XRCC3: variants seen among roughly 807,000 people sequenced by gnomAD.
XRCC3 encodes DNA repair protein XRCC3.
In XRCC3, 34 loss-of-function variants were observed where a neutral mutation model predicts 29.2. That is an observed-to-expected ratio of 1.16 (90% CI 0.88 to 1.55). The LOEUF (loss-of-function observed/expected upper bound fraction) is 1.55. Among genes scored for constraint, XRCC3 ranks in the 40% most tolerant of loss-of-function variants. XRCC3 has a pLI of 0.00. For synonymous variants in XRCC3, 223 were observed against 211.3 expected, an observed-to-expected ratio of 1.06 and a Z score of -0.48; for missense variants, 463 against 467.6, an observed-to-expected ratio of 0.99 and a Z score of 0.09.
At chr14:103,709,563 C>T (rs562858018) in intron 4 of XRCC3, 22 of 152,388 alleles carry the variant, frequency 1.4e-4, no homozygotes, top group African/African-American at 5.3e-4. Flanking sequence ...ACACAGAAAA[C>T]ACAAGGAGAT....
chr14:103,705,191 T>G (rs942826648), intron 6 of XRCC3: 2 of 152,290 alleles, frequency 1.3e-5, no homozygotes, highest in African/African-American at 2.4e-5. Flanking sequence ...CTTTTGTGGC[T>G]GGTTCCCTTC....
Position 103,698,762 on chromosome 14 carries a change from C to T in XRCC3, c.*36G>A. Reference sequence around the variant, plus strand: ...AAGGCCCGAGCCCCGTGTGTCGGGGCTTCTCAGGCAGGGCTGTTGTGCAGC... The same window carrying T: ...AAGGCCCGAGCCCCGTGTGTCGGGGTTTCTCAGGCAGGGCTGTTGTGCAGC... On this transcript the variant is annotated 3_prime_UTR_variant, in exon 10 of 10. Transcript: ENST00000555055. The T allele has an allele frequency of 6.4e-7, 1 of 1,555,172 alleles. No individual in the cohort carries two copies. The highest frequency in any genetic ancestry group is 1.2e-5 in the South Asian group (1 of 84,942).
chr14:103,704,345 T>C (rs995004940), intron 6 of XRCC3: 10 of 152,314 alleles, frequency 6.6e-5, no homozygotes, highest in Admixed American at 6.5e-4. Context: ...TGTTCTGGAA[T>C]TGGATAGTGG....
chr14:103,707,304 C>T, intron 5 of XRCC3, 89 bp from the exon 6 acceptor site: 1 of 1,481,726 alleles, frequency 6.7e-7, no homozygotes, highest in Non-Finnish European at 9.2e-7. Context: ...CCTGCCTGTG[C>T]CAGGTGCAGT....
chr14:103,711,388 C>T (rs1237598854), intron 3 of XRCC3, 78 bp downstream of exon 3: 2 of 605,624 alleles, frequency 3.3e-6, no homozygotes, highest in East Asian at 3.6e-5. Context: ...CCCCCAAACC[C>T]ACCACATTTA....
At chr14:103,704,084 T>C (rs1225041113) in intron 6 of XRCC3, 1 of 152,704 alleles carries the variant, frequency 6.5e-6, no homozygotes, top group Non-Finnish European at 1.5e-5. Flanking sequence ...ACGAATGAAG[T>C]GCGGCCCATC....
intron 7 of XRCC3, 48 bp from the exon 8 acceptor site, chr14:103,699,624 C>T (rs781670530): frequency 1.3e-6 from 2 of 1,593,000 alleles, no homozygotes; most frequent in Non-Finnish European, 1.7e-6. Flanking sequence ...AGTCCCCGCC[C>T]CAGGTGACCA....
At chr14:103,707,462 CT>C (rs1026079839) in intron 5 of XRCC3, 59 of 580,036 alleles carry the variant, frequency 1.0e-4, no homozygotes, top group Non-Finnish European at 1.7e-4. Context: ...AGGGATCCCC[CT>C]ATGGGGCAAT....
In XRCC3 at chr14:103,708,300, T is replaced by C. The variant is rs3212049; in HGVS notation, c.193+222A>G. On this transcript the variant is annotated intron_variant, in intron 5 of 9. Transcript: ENST00000555055. ...TCCATGGAGCAAGGTCCCCAGGAGGTCCCACAGCCCGTGTCCACCTCACGC... is the reference window on the plus strand; with the variant it reads ...TCCATGGAGCAAGGTCCCCAGGAGGCCCCACAGCCCGTGTCCACCTCACGC... The C allele has an allele frequency of 7.2e-3, 4,656 of 645,272 alleles. 111 individuals carry two copies. The highest frequency in any genetic ancestry group is 0.06 in the African/African-American group (3,288 of 54,922). The allele number at this position is 645,272 out of a possible 1,614,324, so 40.0% of individuals were successfully genotyped here. A position where few individuals can be genotyped will look rare whatever the true frequency, so the allele number is the denominator to read the frequency against.
At position 103,714,685 on chromosome 14, in the gene XRCC3, T is replaced by G. The variant is rs148235356; in HGVS notation, c.-318+739A>C. Among the ~76,000 whole-genome samples the G allele has an allele frequency of 9.7e-4, 147 of 152,308 alleles. 1 individual carries two copies. The highest frequency in any genetic ancestry group is 2.9e-3 in the South Asian group (14 of 4,828). On this transcript the variant is annotated intron_variant, in intron 1 of 9. Transcript: ENST00000555055. ...ATGAACAAACATTTTCTTCTTTTTT[T>G]TGTGTGCTTTCTGAGATGGAGTCTT...
intron 6 of XRCC3, chr14:103,705,647 G>C (rs1338019832): frequency 6.6e-6 from 1 of 152,544 alleles, no homozygotes; most frequent in Non-Finnish European, 1.5e-5. Flanking sequence ...GGCCCGCAAG[G>C]CTGGACTGTG....
intron 4 of XRCC3, chr14:103,710,784 C>A: frequency 3.9e-6 from 2 of 519,260 alleles, no homozygotes; most frequent in Non-Finnish European, 6.9e-6. Flanking sequence ...TCCATTTTAC[C>A]TTTTAGACAA....
intron 4 of XRCC3, chr14:103,708,979 G>A (rs1004965496): frequency 1.1e-5 from 4 of 377,446 alleles, no homozygotes; most frequent in African/African-American, 2.1e-5. Flanking sequence ...CCGGTACTGA[G>A]AAGAAACGAC....
chr14:103,708,792 G>T (rs1286015116), intron 4 of XRCC3, 133 bp from the exon 5 acceptor site: 20 of 1,217,646 alleles, frequency 1.6e-5, no homozygotes, highest in Non-Finnish European at 2.3e-5. Flanking sequence ...GGTGGGTAGG[G>T]ACCGGATCCC....
chr14:103,703,474 G>T, intron 6 of XRCC3, 147 bp from the exon 7 acceptor site: 1 of 998,832 alleles, frequency 1.0e-6, no homozygotes. Context: ...GAGGAGGCTG[G>T]TGCTTTTTCT....
rs1251835140 is a variant in XRCC3 at position 103,698,874 on chromosome 14, TGGG to T, written c.962_964del (p.Pro321del). The stretch of plus-strand genomic sequence containing the variant: ...GTAGGAACAGGAGGAGGGGGGCAGG[TGGG>T]GGGCAGAGAGCACCCGCAGGGTCCG... On this transcript the variant is annotated inframe_deletion, in exon 10 of 10. Transcript: ENST00000555055. 1 of 1,605,794 alleles carries T rather than the reference TGGG, an allele frequency of 6.2e-7. No individual in the cohort carries two copies. The highest frequency in any genetic ancestry group is 1.7e-5 in the Admixed American group (1 of 59,136).
At chr14:103,700,122 C>T (rs1294449085) in intron 7 of XRCC3, 1 of 206,878 alleles carries the variant, frequency 4.8e-6, no homozygotes, top group Non-Finnish European at 1.0e-5. Context: ...CCTGGCCTGC[C>T]TCTGCCAAGG....
At chr14:103,706,052 C>G (rs1451779438) in intron 6 of XRCC3, 2 of 297,038 alleles carry the variant, frequency 6.7e-6, no homozygotes, top group East Asian at 1.9e-4. Context: ...GCTGCAGGGA[C>G]AAAAATGCCT....
Position 103,707,075 on chromosome 14 carries a change from C to A in XRCC3, c.334G>T (p.Gly112Trp), listed in dbSNP as rs773795652. The part of the protein sequence containing the change: ...ITELAGRSSA[G>W]KTQLALQLCL... Reference sequence around the variant, plus strand: ...AGCTGCAGCGCCAGCTGGGTCTTCCCTGCCGAGCTGCGTCCGGCCAGCTCA... The same window carrying A: ...AGCTGCAGCGCCAGCTGGGTCTTCCATGCCGAGCTGCGTCCGGCCAGCTCA... The change falls in exon 6 of 10, where the codon GGG (glycine) becomes TGG (tryptophan). Residue 112 changes from glycine to tryptophan, a missense_variant. Physicochemically the swap from Gly to Trp is radical, Grantham distance 184. Coordinates refer to ENST00000555055, the MANE Select transcript of XRCC3 (RefSeq NM_005432.4). 1 of 1,559,936 alleles carries A rather than the reference C, an allele frequency of 6.4e-7. No homozygotes were observed. The highest frequency in any genetic ancestry group is 8.7e-7 in the Non-Finnish European group (1 of 1,153,852).
Sources: allele counts gnomAD v4.1 joint callset (sites outside exome capture counted in the v4.1 genomes callset), GRCh38; gene constraint gnomAD v4.1.1; transcripts MANE v1.5; gene names NCBI Gene and HGNC (gene_info 2026-07-23, HGNC 2026-07-21).